Variants in DHRSX observed in about 807,000 individuals in gnomAD.
The protein encoded by DHRSX is polyprenol dehydrogenase.
DHRSX carries 31 observed loss-of-function variants against 34.0 expected under a neutral mutation model. The ratio of observed to expected loss-of-function variants is 0.91; its 90% CI spans 0.69 to 1.23. The LOEUF is 1.23. DHRSX is among the 50% of genes most tolerant of loss of function. The pLI is 0.00. For synonymous variants in DHRSX, 201 were observed against 183.8 expected, an observed-to-expected ratio of 1.09 and a Z score of -0.76; for missense variants, 414 against 428.1, an observed-to-expected ratio of 0.97 and a Z score of 0.29.
intron 2 of DHRSX, among the ~76,000 whole-genome samples, chrX:2,416,454 G>C (rs1302366158): frequency 6.6e-6 from 1 of 152,122 alleles, no homozygotes; most frequent in Admixed American, 6.6e-5. Flanking sequence ...GCCCAAACCA[G>C]AGTCACCAAT....
At chrX:2,484,402 C>T (rs1405557737) in intron 1 of DHRSX, among the ~76,000 whole-genome samples, 3 of 152,136 alleles carry the variant, frequency 2.0e-5, no homozygotes, top group Admixed American at 2.0e-4. Flanking sequence ...TGCCAAGGAC[C>T]TCCCGCATCT....
intron 3 of DHRSX, among the ~76,000 whole-genome samples, chrX:2,304,320 G>A (rs753592183): frequency 6.7e-6 from 1 of 149,134 alleles, no homozygotes; most frequent in East Asian, 2.0e-4. Flanking sequence ...TGAATGGATG[G>A]ATGGATGGAT....
intron 3 of DHRSX, among the ~76,000 whole-genome samples, chrX:2,325,519 C>G (rs1165676076): frequency 6.6e-6 from 1 of 152,208 alleles, no homozygotes; most frequent in Non-Finnish European, 1.5e-5. Context: ...AAAAACAGGA[C>G]CGAGAGCCCC....
intron 1 of DHRSX, among the ~76,000 whole-genome samples, chrX:2,455,939 G>A (rs749062469): frequency 6.6e-6 from 1 of 152,094 alleles, no homozygotes; most frequent in African/African-American, 2.4e-5. Flanking sequence ...GAAGGTGCAT[G>A]CCTGCTCTGG....
In DHRSX at chrX:2,464,580, TAAG is replaced by T. The variant is rs769166172; in HGVS notation, c.109+36234_109+36236del. On this transcript the variant is annotated intron_variant, in intron 1 of 6. Transcript: ENST00000334651. Reference sequence around the variant, plus strand: ...CCATGTTCGCACTGAAGACGCTCCCTAAGAATGCGTCCAGGGGACAGCTGCCGT... The same window carrying T: ...CCATGTTCGCACTGAAGACGCTCCCTAATGCGTCCAGGGGACAGCTGCCGT... 5.3e-5 allele frequency among the ~76,000 whole-genome samples: 8 copies of T among 150,268 alleles called. No homozygotes were observed. In the East Asian group the frequency reaches 5.9e-4, roughly 11 times the overall value.
At chrX:2,331,266 C>G (rs2042468470) in intron 3 of DHRSX, among the ~76,000 whole-genome samples, 2 of 152,014 alleles carry the variant, frequency 1.3e-5, no homozygotes, top group Admixed American at 1.3e-4. Context: ...TTCACCATAG[C>G]AGAAGTGACT....
chrX:2,481,537 A>G (rs1418187895), intron 1 of DHRSX, among the ~76,000 whole-genome samples: 1 of 151,946 alleles, frequency 6.6e-6, no homozygotes, highest in African/African-American at 2.4e-5. Context: ...GTGGTGGCAG[A>G]CACCTGTAAT....
At chrX:2,390,186 C>A (rs1195355534) in intron 3 of DHRSX, among the ~76,000 whole-genome samples, 3 of 145,340 alleles carry the variant, frequency 2.1e-5, no homozygotes, top group African/African-American at 7.7e-5. Flanking sequence ...TCTTGTTGCC[C>A]ATCCTGGAGT....
At chrX:2,274,366 A>G (rs999761690) in intron 4 of DHRSX, among the ~76,000 whole-genome samples, 1 of 151,572 alleles carries the variant, frequency 6.6e-6, no homozygotes, top group African/African-American at 2.4e-5. Context: ...TTTTGGAGAC[A>G]GAGTCTCGCT....
intron 1 of DHRSX, among the ~76,000 whole-genome samples, chrX:2,448,916 C>T (rs1266074121): frequency 1.3e-5 from 2 of 152,192 alleles, no homozygotes; most frequent in African/African-American, 4.8e-5. Flanking sequence ...GGGCCGGGCG[C>T]GGTGGCTCAC....
At chrX:2,249,993 C>T (rs2016399183) in intron 5 of DHRSX, among the ~76,000 whole-genome samples, 1 of 151,624 alleles carries the variant, frequency 6.6e-6, no homozygotes, top group African/African-American at 2.4e-5. Flanking sequence ...GAAACCCCGT[C>T]TCTATTAAAA....
intron 3 of DHRSX, among the ~76,000 whole-genome samples, chrX:2,385,997 C>T (rs1345292927): frequency 6.6e-6 from 1 of 151,912 alleles, no homozygotes; most frequent in Non-Finnish European, 1.5e-5. Flanking sequence ...AAGGCAAAAA[C>T]AGTCACAGGC....
rs2044161937 is a variant in DHRSX, at chrX:2,448,042, AAAAC to A, written c.110-22742_110-22739del. 2.0e-5 allele frequency among the ~76,000 whole-genome samples: 3 copies of A among 152,012 alleles called. No individual in the cohort carries two copies. The East Asian group carries it at 5.8e-4, about 29-fold the overall frequency. On this transcript the variant is annotated intron_variant, in intron 1 of 6. Coordinates refer to ENST00000334651, the MANE Select transcript of DHRSX (RefSeq NM_145177.3). ...AAACCCCATCTCTAAAAAAAAAACAAAAACAAAAAAATTAGCTGGGTATGGTGGC... is the reference window on the plus strand; with the variant it reads ...AAACCCCATCTCTAAAAAAAAAACAAAAAAAAATTAGCTGGGTATGGTGGC...
chrX:2,276,991 AAGAG>A (rs1489396612), intron 4 of DHRSX, among the ~76,000 whole-genome samples: 1 of 23,954 alleles, frequency 4.2e-5, no homozygotes, highest in South Asian at 1.7e-3. Context: ...AAGAGAGAGA[AAGAG>A]AGATGGAGAG....
chrX:2,274,973 G>A (rs1206839860), intron 4 of DHRSX, among the ~76,000 whole-genome samples: 13 of 152,070 alleles, frequency 8.5e-5, no homozygotes. Context: ...CTGTTAGGAG[G>A]CCATTATCAT....
At chrX:2,357,100 C>G (rs1371518918) in intron 3 of DHRSX, among the ~76,000 whole-genome samples, 1 of 152,020 alleles carries the variant, frequency 6.6e-6, no homozygotes, top group African/African-American at 2.4e-5. Context: ...AAAAATTAGC[C>G]AGGCATGGTG....
intron 1 of DHRSX, among the ~76,000 whole-genome samples, chrX:2,464,022 G>A (rs1197632579): frequency 6.6e-6 from 1 of 152,100 alleles, no homozygotes; most frequent in Non-Finnish European, 1.5e-5. Context: ...GCTAAGAGAC[G>A]GCCACCTGTA....
At chrX:2,271,460 G>C (rs1602845664) in intron 4 of DHRSX, among the ~76,000 whole-genome samples, 1 of 152,294 alleles carries the variant, frequency 6.6e-6, no homozygotes, top group East Asian at 1.9e-4. Flanking sequence ...TGCAGTCCTT[G>C]CTTCTCACCT....
intron 1 of DHRSX, among the ~76,000 whole-genome samples, chrX:2,484,208 G>T (rs1384485633): frequency 6.6e-6 from 1 of 151,960 alleles, no homozygotes; most frequent in African/African-American, 2.4e-5. Flanking sequence ...CCTGACCTCA[G>T]GCGATCCACC....
Sources: allele counts gnomAD v4.1 joint callset (sites outside exome capture counted in the v4.1 genomes callset), GRCh38; gene constraint gnomAD v4.1.1; transcripts MANE v1.5; gene names NCBI Gene and HGNC (gene_info 2026-07-23, HGNC 2026-07-21).